ERMARD: variants seen among roughly 807,000 people sequenced by gnomAD.
The protein encoded by ERMARD is endoplasmic reticulum membrane-associated RNA degradation protein.
In ERMARD, 71 loss-of-function variants were observed where a neutral mutation model predicts 83.9. The ratio of observed to expected loss-of-function variants is 0.85; its 90% CI spans 0.70 to 1.03. ERMARD has a LOEUF of 1.03. Ranked by LOEUF, ERMARD falls within the 50% of genes least tolerant of loss-of-function variation. The pLI, the probability that ERMARD is intolerant of heterozygous loss-of-function variation, is 0.00. For synonymous variants in ERMARD, 284 were observed against 298.6 expected (o/e 0.95, Z 0.50); for missense variants, 838 against 810.9 (o/e 1.03, Z -0.41).
At chr6:169,764,108 G>A (rs1320144065) in intron 9 of ERMARD, among the ~76,000 whole-genome samples, 2 of 152,176 alleles carry the variant, frequency 1.3e-5, no homozygotes, top group Non-Finnish European at 2.9e-5. Context: ...CAGCACAGCC[G>A]GTGGTTTCCA....
rs746652144 is a variant in ERMARD at position 169,776,534 on chromosome 6, G to A, written c.1600G>A (p.Val534Ile). The change falls in exon 16 of 18, where the codon GTT becomes ATT. Residue 534 changes from valine to isoleucine, a missense_variant. Coordinates refer to ENST00000366773, the MANE Select transcript of ERMARD (RefSeq NM_018341.3). ...FCPRIVLEVL[V>I]VLRSISEQCR... ...CCCCAGGATTGTGCTGGAAGTGCTGGTTGTGCTCCGAAGCATCAGCGAACA... is the reference window on the plus strand; with the variant it reads ...CCCCAGGATTGTGCTGGAAGTGCTGATTGTGCTCCGAAGCATCAGCGAACA... 2.4e-5 allele frequency: 38 copies of A among 1,614,220 alleles called. No homozygotes were observed. The highest frequency in any genetic ancestry group is 3.1e-5 in the Non-Finnish European group (37 of 1,180,044).
intron 13 of ERMARD, 32 bp downstream of exon 13, chr6:169,773,434 T>C (rs1348769752): frequency 5.0e-6 from 8 of 1,601,838 alleles, no homozygotes; most frequent in Non-Finnish European, 6.8e-6. Flanking sequence ...GGGAGGGGCG[T>C]GTATGTCTCT....
intron 14 of ERMARD, 138 bp downstream of exon 14, chr6:169,775,484 T>TGTG: frequency 2.2e-6 from 2 of 927,912 alleles, no homozygotes; most frequent in East Asian, 5.3e-5. Context: ...TGATGCAGGC[T>TGTG]GTGGGGAGCT....
At chr6:169,757,190 C>A (rs1286861742) in intron 5 of ERMARD, among the ~76,000 whole-genome samples, 1 of 152,144 alleles carries the variant, frequency 6.6e-6, no homozygotes, top group African/African-American at 2.4e-5. Flanking sequence ...CAAACCATAT[C>A]ACGGAGTAAG....
Position 169,776,644 on chromosome 6 carries a change from G to C in ERMARD, c.1710G>C (p.Gln570His), listed in dbSNP as rs772319921. 6.2e-7 allele frequency: 1 copy of C among 1,614,072 alleles called. No homozygotes were observed. The highest frequency in any genetic ancestry group is 1.3e-5 in the African/African-American group (1 of 75,058). ...TGGAAAGGACGCTGCGGTCTCGCCA[G>C]CGGCAGAACTACCTGCGTATGTGGA... ...QWVERTLRSR[Q>H]RQNYLRMWSS... Residue 570 changes from glutamine (Q) to histidine (H), a missense_variant, in exon 16 of 18, where the codon CAG becomes CAC. Transcript: ENST00000366773.
At chr6:169,756,490 C>G (rs556589978) in intron 4 of ERMARD, 51 bp downstream of exon 4, 1 of 1,318,196 alleles carries the variant, frequency 7.6e-7, no homozygotes, top group African/African-American at 1.5e-5. Context: ...TCTGAATGAA[C>G]ATGAAACTAT....
At chr6:169,776,280 C>T in intron 15 of ERMARD, 175 bp from the exon 16 acceptor site, 1 of 1,550,612 alleles carries the variant, frequency 6.4e-7, no homozygotes, top group Non-Finnish European at 8.7e-7. Context: ...TTCTGTTTGC[C>T]ACAATTCAGT....
intron 11 of ERMARD, among the ~76,000 whole-genome samples, chr6:169,768,999 C>G (rs536918714): frequency 2.6e-5 from 4 of 152,282 alleles, no homozygotes; most frequent in African/African-American, 9.6e-5. Context: ...TCCATTTTTA[C>G]CATCAAAAAA....
chr6:169,767,784 CACAGTTGCATATAA>C, intron 10 of ERMARD: 3 of 356,912 alleles, frequency 8.4e-6, no homozygotes, highest in African/African-American at 4.2e-5. Context: ...CACACACAGG[CACAGTTGCATATAA>C]ACACACAAAT....
rs893605951 is a variant in ERMARD at position 169,779,349 on chromosome 6, G to C, written c.1853+54G>C. On this transcript the variant is annotated intron_variant, in intron 17 of 17. Coordinates refer to ENST00000366773, the MANE Select transcript of ERMARD (RefSeq NM_018341.3). ...ACATTGCATCGTGGGGCAGATTGCG[G>C]GTGAGCCTGTAGGAGTGAGATTGGG... 6.0e-6 allele frequency: 9 copies of C among 1,508,634 alleles called. No homozygotes were observed. The Admixed American group carries it at 6.7e-5, about 11-fold the overall frequency. The allele number at this position is 1,508,634 out of a possible 1,614,324, so 93.5% of individuals were successfully genotyped here. A position where few individuals can be genotyped will look rare whatever the true frequency, so the allele number is the denominator to read the frequency against.
chr6:169,766,874 T>C, intron 10 of ERMARD: 1 of 472,200 alleles, frequency 2.1e-6, no homozygotes. Flanking sequence ...CCCAAAGCTA[T>C]CCAAAGCTCA....
intron 12 of ERMARD, chr6:169,771,118 C>G (rs1330934319): frequency 1.4e-5 from 2 of 146,372 alleles, no homozygotes; most frequent in South Asian, 2.1e-4. Context: ...GAGTCTTGCT[C>G]TGTCGCCCAG....
Position 169,778,124 on chromosome 6 carries a change from G to A in ERMARD, c.1740-1058G>A, listed in dbSNP as rs557739175. Reference sequence around the variant, plus strand: ...CAGCTCTGGGATGTGGAGGGGACTGGGGGACAGGAGAAAACCCATGCCGAA... The same window carrying A: ...CAGCTCTGGGATGTGGAGGGGACTGAGGGACAGGAGAAAACCCATGCCGAA... On this transcript the variant is annotated intron_variant, in intron 16 of 17. Transcript: ENST00000366773. 3.9e-4 allele frequency among the ~76,000 whole-genome samples: 59 copies of A among 152,318 alleles called. No homozygotes were observed. The South Asian group carries it at 0.012, about 31-fold the overall frequency.
intron 9 of ERMARD, among the ~76,000 whole-genome samples, chr6:169,765,650 G>T (rs1360813252): frequency 2.0e-5 from 3 of 152,206 alleles, no homozygotes; most frequent in African/African-American, 7.2e-5. Flanking sequence ...CAGAGCTAAA[G>T]ATAACAGATT....
rs1563016297 is a variant in ERMARD, at chr6:169,760,745, CA to C, written c.848del (p.Lys283SerfsTer13). On this transcript the variant is annotated frameshift_variant, in exon 8 of 18. Coordinates refer to ENST00000366773, the MANE Select transcript of ERMARD (RefSeq NM_018341.3). LOFTEE classifies it high-confidence loss of function. ...PYWEVALVKFKSHRFADCAIL... is the reference protein window; with the variant it reads ...PYWEVALVKFXSHRFADCAIL... ...ATTGGGAAGTTGCACTGGTCAAGTT[CA>C]AGTCACACAGGTAACTAAAGGGTAC... is the stretch of plus-strand genomic sequence containing the variant. The C allele has an allele frequency of 6.2e-7, 1 of 1,611,900 alleles. No homozygotes were observed. The highest frequency in any genetic ancestry group is 1.1e-5 in the South Asian group (1 of 90,994).
At chr6:169,759,359 T>C (rs769756738) in intron 6 of ERMARD, among the ~76,000 whole-genome samples, 1 of 152,158 alleles carries the variant, frequency 6.6e-6, no homozygotes, top group Non-Finnish European at 1.5e-5. Context: ...CATCAGAGTG[T>C]CTGTGGTGCT....
intron 8 of ERMARD, 89 bp downstream of exon 8, chr6:169,760,845 G>T: frequency 1.1e-6 from 1 of 897,088 alleles, no homozygotes; most frequent in South Asian, 1.7e-5. Flanking sequence ...TTTTGCTGTT[G>T]GAGTAGAAGT....
chr6:169,760,067 G>A (rs1791342258), intron 7 of ERMARD, 93 bp downstream of exon 7: 11 of 1,557,924 alleles, frequency 7.1e-6, no homozygotes, highest in Non-Finnish European at 9.5e-6. Context: ...TTGAGGTGGG[G>A]TGAAGTAGTT....
intron 17 of ERMARD, 34 bp downstream of exon 17, chr6:169,779,329 G>T: frequency 6.4e-7 from 1 of 1,564,702 alleles, no homozygotes; most frequent in Non-Finnish European, 8.8e-7. Flanking sequence ...CAGTCACATT[G>T]CATCGTGGGG....
Sources: allele counts gnomAD v4.1 joint callset (sites outside exome capture counted in the v4.1 genomes callset), GRCh38; gene constraint gnomAD v4.1.1; transcripts MANE v1.5; gene names NCBI Gene and HGNC (gene_info 2026-07-23, HGNC 2026-07-21).